The following NPR1 variants were observed in gnomAD, a reference collection of about 807,000 sequenced individuals.
NPR1 encodes the protein atrial natriuretic peptide receptor 1.
In NPR1, 57 loss-of-function variants were observed where a neutral mutation model predicts 116.9. That is an observed-to-expected ratio of 0.49 (90% CI 0.39 to 0.61). The LOEUF (loss-of-function observed/expected upper bound fraction) is 0.61, where lower values mean the gene tolerates loss of function less well. Among genes scored for constraint, NPR1 ranks in the 20% least tolerant of loss-of-function variants. NPR1 has a pLI of 0.00. For synonymous variants in NPR1, 555 were observed against 601.6 expected (o/e 0.92, Z 1.13); for missense variants, 1,096 against 1,409.8 (o/e 0.78, Z 3.56).
Position 153,686,153 on chromosome 1 carries a change from C to A in NPR1, c.1711C>A (p.Arg571Ser). 8 of 1,614,046 alleles carry A rather than the reference C, an allele frequency of 5.0e-6. No individual in the cohort carries two copies. The highest frequency in any genetic ancestry group is 6.8e-6 in the Non-Finnish European group (8 of 1,180,012). Residue 571 changes from arginine (R) to serine (S), a missense_variant, in exon 10 of 22, where the codon CGT becomes AGT. Arg to Ser is a moderately radical substitution (Grantham distance 110, BLOSUM62 -1). Transcript: ENST00000368680. ...GNLVAVKRVN[R>S]KRIELTRKVL... is the part of the protein sequence containing the mutation. ...CCTCGTGGCTGTGAAACGTGTGAAC[C>A]GTAAACGCATTGAGCTGACACGAAA...
intron 1 of NPR1, among the ~76,000 whole-genome samples, chr1:153,680,162 C>A (rs1669722716): frequency 6.6e-6 from 1 of 150,624 alleles, no homozygotes; most frequent in African/African-American, 2.4e-5. Flanking sequence ...CCTCTCATTG[C>A]GCCTCATCCC....
intron 9 of NPR1, 51 bp from the exon 10 acceptor site, chr1:153,686,072 C>G: frequency 6.3e-7 from 1 of 1,586,298 alleles, no homozygotes; most frequent in Non-Finnish European, 8.6e-7. Context: ...CTGGAATTCC[C>G]AGGACATGGG....
rs1407059742 is a variant in NPR1 at position 153,693,660 on chromosome 1, C to A, written c.*246C>A. 2.2e-6 allele frequency: 1 copy of A among 445,130 alleles called. No homozygotes were observed. The highest frequency in any genetic ancestry group is 3.9e-6 in the Non-Finnish European group (1 of 254,720). 27.6% of individuals were successfully genotyped at this position (445,130 alleles called of 1,614,324 possible). A position where few individuals can be genotyped will look rare whatever the true frequency, so the allele number is the denominator to read the frequency against. ...ATGCACAGGGACACTCACACAGGCA[C>A]ACGCACCTGCTCTCCACCTGGACTC... is the stretch of plus-strand genomic sequence containing the variant. On this transcript the variant is annotated 3_prime_UTR_variant, in exon 22 of 22. Coordinates refer to ENST00000368680, the MANE Select transcript of NPR1 (RefSeq NM_000906.4).
Position 153,688,370 on chromosome 1 carries a change from C to T in NPR1, c.2417+149C>T, listed in dbSNP as rs1571351439. On this transcript the variant is annotated intron_variant, in intron 15 of 21. Coordinates refer to ENST00000368680, the MANE Select transcript of NPR1 (RefSeq NM_000906.4). Reference sequence around the variant, plus strand: ...AGTCAGCTCCAGCTCAGCACAGCCTCATGACCCTCTTCGCAAGTACAGCAT... The same window carrying T: ...AGTCAGCTCCAGCTCAGCACAGCCTTATGACCCTCTTCGCAAGTACAGCAT... 26 of 762,156 alleles carry T rather than the reference C, an allele frequency of 3.4e-5. No individual in the cohort carries two copies. In the East Asian group the frequency reaches 5.9e-4, roughly 17 times the overall value. The allele number at this position is 762,156 out of a possible 1,614,324, so 47.2% of individuals were successfully genotyped here.
intron 4 of NPR1, 112 bp downstream of exon 4, chr1:153,681,951 C>A (rs2101729890): frequency 7.7e-7 from 1 of 1,298,910 alleles, no homozygotes; most frequent in Non-Finnish European, 1.1e-6. Context: ...TGCACACCAG[C>A]CTTTTCCTCC....
At position 153,693,599 on chromosome 1, in the gene NPR1, A is replaced by C. The variant is rs1178450039; in HGVS notation, c.*185A>C. 7.4e-6 allele frequency: 4 copies of C among 537,474 alleles called. No homozygotes were observed. The highest frequency in any genetic ancestry group is 1.3e-5 in the Non-Finnish European group (4 of 311,200). The allele number at this position is 537,474 out of a possible 1,614,324, so 33.3% of individuals were successfully genotyped here. ...TCTGAGAGGGGACTGGCATGGGGGG[A>C]TCTCAGAGCTTACAGGCTGAGCCAA... On this transcript the variant is annotated 3_prime_UTR_variant, in exon 22 of 22. Coordinates refer to ENST00000368680, the MANE Select transcript of NPR1 (RefSeq NM_000906.4).
At chr1:153,692,139 T>C (rs922112258) in intron 20 of NPR1, among the ~76,000 whole-genome samples, 2 of 152,158 alleles carry the variant, frequency 1.3e-5, no homozygotes, top group Non-Finnish European at 2.9e-5. Context: ...ATTTACATAG[T>C]GCTTCCTAGG....
chr1:153,692,632 C>G (rs578160191), intron 20 of NPR1, among the ~76,000 whole-genome samples: 95 of 152,112 alleles, frequency 6.2e-4, no homozygotes, highest in African/African-American at 2.2e-3. Context: ...CCTGCCTCAG[C>G]CTCCCAAGTA....
chr1:153,681,611 C>T, intron 3 of NPR1, 93 bp from the exon 4 acceptor site: 1 of 1,436,372 alleles, frequency 7.0e-7, no homozygotes, highest in Non-Finnish European at 9.5e-7. Flanking sequence ...CATCCTCTTC[C>T]AAAATCCCAG....
chr1:153,682,862 C>T (rs188690384), intron 5 of NPR1, among the ~76,000 whole-genome samples: 164 of 152,334 alleles, frequency 1.1e-3, no homozygotes, highest in African/African-American at 3.4e-3. Context: ...GCAGGCAGGA[C>T]CGCCTCCCAG....
Position 153,693,478 on chromosome 1 carries a change from G to A in NPR1, c.*64G>A. ...GTGCCAGAAGCAACAGAGGTGCCAG[G>A]CCTCAGCCTCACCCACAGCAGCCCC... is the stretch of plus-strand genomic sequence containing the variant. On this transcript the variant is annotated 3_prime_UTR_variant, in exon 22 of 22. Coordinates refer to ENST00000368680, the MANE Select transcript of NPR1 (RefSeq NM_000906.4). 2.1e-6 allele frequency: 3 copies of A among 1,431,248 alleles called. No individual in the cohort carries two copies. The highest frequency in any genetic ancestry group is 2.9e-6 in the Non-Finnish European group (3 of 1,045,266). The allele number at this position is 1,431,248 out of a possible 1,614,324, so 88.7% of individuals were successfully genotyped here.
In NPR1 at chr1:153,688,127, G is replaced by A. The variant is rs1417036582; in HGVS notation, c.2323G>A (p.Glu775Lys). 6.2e-6 allele frequency: 10 copies of A among 1,613,850 alleles called. No homozygotes were observed. The South Asian group carries it at 9.9e-5, about 16-fold the overall frequency. ...CCTGGCCCTGCAGAGTCACCTGGAG[G>A]AGTTGGGGCTGCTCATGCAGCGGTG... ...PSLALQSHLEELGLLMQRCWA... is the reference protein window; with the variant it reads ...PSLALQSHLEKLGLLMQRCWA... Residue 775 changes from glutamate to lysine, a missense_variant, in exon 15 of 22, where the codon GAG becomes AAG. By Grantham distance (56) the Glu-to-Lys change is moderately conservative (BLOSUM62 1). Coordinates refer to ENST00000368680, the MANE Select transcript of NPR1 (RefSeq NM_000906.4).
chr1:153,685,994 G>A, intron 9 of NPR1, 114 bp downstream of exon 9: 1 of 1,368,688 alleles, frequency 7.3e-7, no homozygotes, highest in Non-Finnish European at 1.0e-6. Context: ...CAGCAGATGG[G>A]GGCCCTGGGG....
At chr1:153,683,894 G>A in intron 7 of NPR1, 70 bp downstream of exon 7, 1 of 1,366,822 alleles carries the variant, frequency 7.3e-7, no homozygotes, top group Non-Finnish European at 1.0e-6. Context: ...GAGGCGGTGG[G>A]GACCCAGAGG....
At chr1:153,686,501 T>A (rs553078431) in intron 10 of NPR1, 145 bp from the exon 11 acceptor site, 1 of 705,754 alleles carries the variant, frequency 1.4e-6, no homozygotes, top group South Asian at 1.7e-5. Context: ...CTAAAGGACA[T>A]GGGTGGGAAT....
At chr1:153,682,997 A>G (rs1350937451) in intron 5 of NPR1, among the ~76,000 whole-genome samples, 2 of 152,262 alleles carry the variant, frequency 1.3e-5, no homozygotes, top group Non-Finnish European at 2.9e-5. Flanking sequence ...AGACGGGCAC[A>G]TGGACTGGGC....
intron 9 of NPR1, 61 bp from the exon 10 acceptor site, chr1:153,686,062 C>G (rs1164765721): frequency 6.4e-7 from 1 of 1,564,820 alleles, no homozygotes; most frequent in East Asian, 2.2e-5. Flanking sequence ...TCGGGAGCAG[C>G]TGGAATTCCC....
chr1:153,683,653 C>G, intron 6 of NPR1, 87 bp from the exon 7 acceptor site: 1 of 1,534,220 alleles, frequency 6.5e-7, no homozygotes, highest in Non-Finnish European at 9.0e-7. Flanking sequence ...ATCCATCATC[C>G]CAGTTCACTG....
intron 20 of NPR1, among the ~76,000 whole-genome samples, chr1:153,691,860 C>T (rs1441473871): frequency 1.3e-5 from 2 of 151,286 alleles, no homozygotes; most frequent in African/African-American, 4.9e-5. Context: ...GACTGCACCC[C>T]TGGGCAACAG....
Sources: allele counts gnomAD v4.1 joint callset (sites outside exome capture counted in the v4.1 genomes callset), GRCh38; gene constraint gnomAD v4.1.1; transcripts MANE v1.5; gene names NCBI Gene and HGNC (gene_info 2026-07-23, HGNC 2026-07-21).